The following PDE4A variants were observed in gnomAD, a reference collection of about 807,000 sequenced individuals.
PDE4A encodes the protein 3',5'-cyclic-AMP phosphodiesterase 4A.
PDE4A carries 21 observed loss-of-function variants against 73.9 expected under a neutral mutation model. The ratio of observed to expected loss-of-function variants is 0.28; its 90% CI spans 0.20 to 0.41. The LOEUF (loss-of-function observed/expected upper bound fraction) is 0.41, where lower values mean the gene tolerates loss of function less well. PDE4A is among the 10% of genes least tolerant of loss of function. The pLI is 1.00. For missense variants in PDE4A, 958 were observed against 1,211.4 expected (o/e 0.79, Z 3.10); for synonymous variants, 463 against 505.4 (o/e 0.92, Z 1.13).
intron 4 of PDE4A, among the ~76,000 whole-genome samples, chr19:10,449,934 A>C (rs2043065893): frequency 6.6e-6 from 1 of 151,828 alleles, no homozygotes; most frequent in African/African-American, 2.4e-5. Context: ...TGTCTCTAAA[A>C]AAAAAAAAAA....
rs141286487 is a variant in PDE4A, at chr19:10,459,465, C to T, written c.1167C>T (p.Arg389=). 6.7e-3 allele frequency: 10,820 copies of T among 1,614,184 alleles called. 45 individuals are homozygous for T. The highest frequency in any genetic ancestry group is 8.4e-3 in the Non-Finnish European group (9,872 of 1,180,022). The stretch of plus-strand genomic sequence containing the variant: ...GCGTGTCGGATTACGCTGGAGGCCG[C>T]TCACTCACCTGCATCATGTACATGA... ...IFCVSDYAGG[R]SLTCIMYMIF... is the part of the protein sequence containing the mutation. Residue 389 remains arginine, a synonymous_variant, in exon 9 of 15, where the codon CGC becomes CGT. Transcript: ENST00000380702.
intron 1 of PDE4A, 66 bp downstream of exon 1, chr19:10,421,150 G>A: frequency 7.5e-7 from 1 of 1,338,706 alleles, no homozygotes; most frequent in Non-Finnish European, 9.5e-7. Context: ...AACTCGAGCT[G>A]CCGGCCGCAG....
intron 7 of PDE4A, 86 bp downstream of exon 7, chr19:10,455,008 C>T (rs764637684): frequency 8.4e-6 from 11 of 1,304,470 alleles, no homozygotes; most frequent in Non-Finnish European, 9.9e-6. Flanking sequence ...CTGTTGCTCA[C>T]ATCTTCCCAG....
At position 10,466,876 on chromosome 19, in the gene PDE4A, C is replaced by G. The variant is rs953704588; in HGVS notation, c.1927-11C>G. 6.2e-7 allele frequency: 1 copy of G among 1,608,202 alleles called. No homozygotes were observed. The highest frequency in any genetic ancestry group is 1.3e-5 in the African/African-American group (1 of 74,910). The stretch of plus-strand genomic sequence containing the variant: ...TAGGCCGCCCATTTATACTTTCTTC[C>G]CCTCCACCAGGTGGGTTTTATTGAC... On this transcript the variant is annotated splice_polypyrimidine_tract_variant and intron_variant, in intron 14 of 14. Transcript: ENST00000380702.
rs2043390866 is a variant in PDE4A at position 10,467,220 on chromosome 19, G to T, written c.2260G>T (p.Ala754Ser). ...EALDATIAWEASPAQESLEVM... is the reference protein window; with the variant it reads ...EALDATIAWESSPAQESLEVM... ...TCTGGATGCAACCATAGCCTGGGAG[G>T]CATCCCCGGCCCAGGAGTCGTTGGA... The change falls in exon 15 of 15, where the codon GCA becomes TCA. Residue 754 changes from alanine (A) to serine (S), a missense_variant. By Grantham distance (99) the Ala-to-Ser change is moderately conservative. Around this residue, in one of 3 missense-constraint regions of PDE4A, gnomAD observed 243 missense variants for 245.9 expected, o/e 0.99. Transcript: ENST00000380702. 6.2e-7 allele frequency: 1 copy of T among 1,614,044 alleles called. No homozygotes were observed. Among genetic ancestry groups the T allele is most frequent in the African/African-American group, 1.3e-5 (1 of 74,924 alleles).
intron 1 of PDE4A, chr19:10,427,829 C>A: frequency 1.0e-6 from 1 of 985,176 alleles, no homozygotes; most frequent in Non-Finnish European, 1.2e-6. Context: ...AAACCTTGGT[C>A]GGTGAACAAA....
At chr19:10,429,424 A>G (rs931196353) in intron 1 of PDE4A, among the ~76,000 whole-genome samples, 5 of 152,046 alleles carry the variant, frequency 3.3e-5, no homozygotes, top group African/African-American at 1.2e-4. Flanking sequence ...TGCAACCTCA[A>G]CCTCTTGGCT....
At position 10,458,587 on chromosome 19, in the gene PDE4A, A is replaced by C. The variant is rs936019035; in HGVS notation, c.1101+485A>C. Among the ~76,000 whole-genome samples the C allele has an allele frequency of 2.6e-5, 4 of 152,186 alleles. No individual in the cohort carries two copies. The highest frequency in any genetic ancestry group is 9.7e-5 in the African/African-American group (4 of 41,442). On this transcript the variant is annotated intron_variant, in intron 8 of 14. Coordinates refer to ENST00000380702, the MANE Select transcript of PDE4A (RefSeq NM_001111307.2). This position sits in a 1 kb window ranked among gnomAD's most constrained non-coding sequence, Gnocchi z 4.6. ...AGCCACCTCCTCCAGTGAATCTTCCATTCAGTCACCTGGCCTTTAGTTATT... is the reference window on the plus strand; with the variant it reads ...AGCCACCTCCTCCAGTGAATCTTCCCTTCAGTCACCTGGCCTTTAGTTATT...
chr19:10,425,432 A>C (rs2042705593), intron 1 of PDE4A, among the ~76,000 whole-genome samples: 1 of 152,162 alleles, frequency 6.6e-6, no homozygotes, highest in Non-Finnish European at 1.5e-5. Context: ...TGTTTGACGT[A>C]GGTGCTGGGC....
rs201534582 is a variant in PDE4A, at chr19:10,467,458, C to T, written c.2498C>T (p.Ala833Val). Residue 833 changes from alanine (A) to valine (V), a missense_variant, in exon 15 of 15, where the codon GCC becomes GTC. This residue lies in a region of PDE4A where 243 missense variants were observed against 245.9 expected (regional missense o/e 0.99). Coordinates refer to ENST00000380702, the MANE Select transcript of PDE4A (RefSeq NM_001111307.2). ...AWRTLSVSEH[A>V]PGLPGLPSTA... ...AGGACCCTGTCTGTTTCAGAGCATG[C>T]CCCGGGCCTCCCGGGCCTCCCCTCC... 1.3e-5 allele frequency: 21 copies of T among 1,613,198 alleles called. No individual in the cohort carries two copies. The highest frequency in any genetic ancestry group is 1.8e-5 in the Non-Finnish European group (21 of 1,179,778).
At position 10,453,247 on chromosome 19, in the gene PDE4A, C is replaced by T. The variant is rs1446195100; in HGVS notation, c.784-1582C>T. 5 of 1,608,126 alleles carry T rather than the reference C, an allele frequency of 3.1e-6. No individual in the cohort carries two copies. The highest frequency in any genetic ancestry group is 4.2e-6 in the Non-Finnish European group (5 of 1,177,236). On this transcript the variant is annotated intron_variant, in intron 6 of 14. Coordinates refer to ENST00000380702, the MANE Select transcript of PDE4A (RefSeq NM_001111307.2). This position sits in a 1 kb window ranked among gnomAD's most constrained non-coding sequence, Gnocchi z 4.6. ...AGCCTCTGTGTGCAGCAGCCCCAGG[C>T]GGGCTAAGTCTCCAAGATGCCCTTG...
In PDE4A at chr19:10,467,061, C is replaced by T; in HGVS notation, c.2101C>T (p.Pro701Ser). 1.9e-6 allele frequency: 3 copies of T among 1,614,140 alleles called. No homozygotes were observed. The highest frequency in any genetic ancestry group is 2.5e-6 in the Non-Finnish European group (3 of 1,180,036). ...GGAGGAGTCAAGGGGGCCAGGCCAC[C>T]CACCCCTGCCTGACAAGTTCCAGTT... Reference protein sequence around the residue: ...PEEESRGPGHPPLPDKFQFEL... With the variant: ...PEEESRGPGHSPLPDKFQFEL... The change falls in exon 15 of 15, where the codon CCA becomes TCA. Residue 701 changes from proline (P) to serine (S), a missense_variant. Transcript: ENST00000380702.
intron 1 of PDE4A, among the ~76,000 whole-genome samples, chr19:10,437,619 TG>T (rs1271791368): frequency 6.6e-6 from 1 of 152,104 alleles, no homozygotes; most frequent in Non-Finnish European, 1.5e-5. Context: ...GGTCTTGCTA[TG>T]TTGCCCAGGC....
chr19:10,446,174 A>G lies in PDE4A; in HGVS notation c.321-44A>G, dbSNP rs1362640785. 10 of 1,539,076 alleles carry G rather than the reference A, an allele frequency of 6.5e-6. No homozygotes were observed. The Admixed American group carries it at 1.6e-4, about 25-fold the overall frequency. ...CCTCATTCCTCTTGACCTCCCTAAT[A>G]GCGTTTCAGCCTCCTGACCCCTCTT... On this transcript the variant is annotated intron_variant, in intron 1 of 14. Transcript: ENST00000380702.
chr19:10,417,512 GAGGGGTC>G (rs1392698362), upstream of PDE4A: 1 of 1,429,996 alleles, frequency 7.0e-7, no homozygotes. Context: ...CCCTCTGTGT[GAGGGGTC>G]AGCGAGTGGC....
chr19:10,465,962 A>G (rs1287018884), intron 14 of PDE4A, among the ~76,000 whole-genome samples: 1 of 147,086 alleles, frequency 6.8e-6, no homozygotes, highest in Admixed American at 6.8e-5. Flanking sequence ...CAGCCTCCCA[A>G]AGTGCTGGGA....
At chr19:10,464,458 C>T (rs1204153148) in intron 14 of PDE4A, 6 of 454,874 alleles carry the variant, frequency 1.3e-5, no homozygotes, top group Admixed American at 2.4e-5. Flanking sequence ...GCACTGTTGC[C>T]CAGGGTAGCA....
At chr19:10,459,369 G>C (rs371371518) in intron 8 of PDE4A, 31 bp from the exon 9 acceptor site, 2 of 1,614,014 alleles carry the variant, frequency 1.2e-6, no homozygotes, top group African/African-American at 1.3e-5. Context: ...AGCCTTACAG[G>C]CTTCTGACCT....
chr19:10,451,060 T>G (rs577530815), intron 6 of PDE4A, 119 bp downstream of exon 6: 7 of 991,654 alleles, frequency 7.1e-6, no homozygotes, highest in Non-Finnish European at 1.1e-5. Flanking sequence ...GCCATTAGGT[T>G]GTTCCTGTGG....
Sources: allele counts gnomAD v4.1 joint callset (sites outside exome capture counted in the v4.1 genomes callset), GRCh38; gene constraint gnomAD v4.1.1; regional missense constraint gnomAD v4.1.1; non-coding constraint Gnocchi (gnomAD v3.1); transcripts MANE v1.5; gene names NCBI Gene and HGNC (gene_info 2026-07-23, HGNC 2026-07-21).